The following SCGB1D2 variants were observed in gnomAD, a reference collection of about 807,000 sequenced individuals.
SCGB1D2 encodes the protein secretoglobin family 1D member 2.
In SCGB1D2, 10 loss-of-function variants were observed where a neutral mutation model predicts 10.5. The observed-to-expected ratio is 0.95, with a 90% CI of 0.59 to 1.61. The LOEUF (loss-of-function observed/expected upper bound fraction) is 1.61, where lower values mean the gene tolerates loss of function less well. SCGB1D2 is among the 40% of genes most tolerant of loss of function. The probability of loss-of-function intolerance (pLI) is 0.00; values close to 1 mark genes in which losing one functional copy is unlikely to be tolerated. For missense variants in SCGB1D2, 113 were observed against 103.8 expected (o/e 1.09, Z -0.38); for synonymous variants, 42 against 42.8 (o/e 0.98, Z 0.08).
chr11:62,242,663 C>T (rs764717620), intron 1 of SCGB1D2, among the ~76,000 whole-genome samples: 5 of 152,176 alleles, frequency 3.3e-5, no homozygotes, highest in South Asian at 2.1e-4. Context: ...ATCTGGGATC[C>T]GCCACTTCCC....
chr11:62,242,392 A>G, intron 1 of SCGB1D2, 30 bp downstream of exon 1: 1 of 1,611,852 alleles, frequency 6.2e-7, no homozygotes, highest in Non-Finnish European at 8.5e-7. Context: ...GTCTAGCTCC[A>G]GCCCCTGGGA....
intron 1 of SCGB1D2, 53 bp downstream of exon 1, chr11:62,242,415 C>G: frequency 6.3e-7 from 1 of 1,580,444 alleles, no homozygotes. Context: ...CACCCTCTTC[C>G]AAGCACGAGG....
At position 62,243,517 on chromosome 11, in the gene SCGB1D2, C is replaced by A. The variant is rs180756544; in HGVS notation, c.243+41C>A. The A allele has an allele frequency of 9.9e-4, 1,538 of 1,551,672 alleles. 3 individuals are homozygous for A. The highest frequency in any genetic ancestry group is 1.3e-3 in the Non-Finnish European group (1,458 of 1,134,254). On this transcript the variant is annotated intron_variant, in intron 2 of 2. Coordinates refer to ENST00000244926, the MANE Select transcript of SCGB1D2 (RefSeq NM_006551.4). The stretch of plus-strand genomic sequence containing the variant: ...TTTATTTGTTAAGGCTTCTGGTCAG[C>A]TGCACAGTATGAAGTGAGGTCAGCT...
chr11:62,243,266 A>G (rs543193327), intron 1 of SCGB1D2, 23 bp from the exon 2 acceptor site: 120 of 1,601,792 alleles, frequency 7.5e-5, no homozygotes, highest in Admixed American at 2.7e-4. Flanking sequence ...AACATCAACT[A>G]TATTTTTATT....
Position 62,242,364 on chromosome 11 carries a change from T to C in SCGB1D2, c.55+2T>C. On this transcript the variant is annotated splice_donor_variant, in intron 1 of 2. Coordinates refer to ENST00000244926, the MANE Select transcript of SCGB1D2 (RefSeq NM_006551.4). LOFTEE classifies it high-confidence loss of function. ...CGCTGGCCCTCTGCTGCTACCAGGG[T>C]GAGTACATCAGTCATGAGTCTAGCT... is the stretch of plus-strand genomic sequence containing the variant. 1 of 1,613,918 alleles carries C rather than the reference T, an allele frequency of 6.2e-7. No individual in the cohort carries two copies. Among genetic ancestry groups the C allele is most frequent in the Non-Finnish European group, 8.5e-7 (1 of 1,179,870 alleles).
chr11:62,244,721 G>T lies in SCGB1D2; in HGVS notation c.*22G>T, dbSNP rs762267771. ...GTGACATGTAAAAACTTTCATCCTGGTTTCCACTGTCTTTCAATGACACCC... is the reference window on the plus strand; with the variant it reads ...GTGACATGTAAAAACTTTCATCCTGTTTTCCACTGTCTTTCAATGACACCC... On this transcript the variant is annotated 3_prime_UTR_variant, in exon 3 of 3. Coordinates refer to ENST00000244926, the MANE Select transcript of SCGB1D2 (RefSeq NM_006551.4). 2.5e-6 allele frequency: 4 copies of T among 1,601,658 alleles called. No individual in the cohort carries two copies. The East Asian group carries it at 8.9e-5, about 36-fold the overall frequency.
chr11:62,243,332 C>G lies in SCGB1D2; in HGVS notation c.99C>G (p.Asp33Glu). 6.2e-7 allele frequency: 1 copy of G among 1,613,448 alleles called. No individual in the cohort carries two copies. Among genetic ancestry groups the G allele is most frequent in the Non-Finnish European group, 8.5e-7 (1 of 1,179,768 alleles). ...CAGCTCTTGTTTCTGAGCTGTTAGA[C>G]TTCTTCTTCATTAGTGAACCTCTGT... ...FCPALVSELL[D>E]FFFISEPLFK... is the part of the protein sequence containing the mutation. The change falls in exon 2 of 3, where the codon GAC (aspartate) becomes GAG (glutamate). Residue 33 changes from aspartate (D) to glutamate (E), a missense_variant. Asp to Glu is a conservative substitution (Grantham distance 45). Coordinates refer to ENST00000244926, the MANE Select transcript of SCGB1D2 (RefSeq NM_006551.4).
At position 62,244,672 on chromosome 11, in the gene SCGB1D2, G is replaced by C. The variant is rs770715437; in HGVS notation, c.246G>C (p.Val82=). Reference sequence around the variant, plus strand: ...TCTTTTTTCTTTTCCTATTTTAGGTGAAAATATTGAAGAAATGTAGTGTGT... The same window carrying C: ...TCTTTTTTCTTTTCCTATTTTAGGTCAAAATATTGAAGAAATGTAGTGTGT... ...QKRSLIAEVL[V]KILKKCSV Residue 82 remains valine, a splice_region_variant and synonymous_variant, in exon 3 of 3, where the codon GTG becomes GTC. Coordinates refer to ENST00000244926, the MANE Select transcript of SCGB1D2 (RefSeq NM_006551.4). 40 of 1,612,784 alleles carry C rather than the reference G, an allele frequency of 2.5e-5. No individual in the cohort carries two copies. The highest frequency in any genetic ancestry group is 3.2e-5 in the Non-Finnish European group (38 of 1,179,376).
In SCGB1D2 at chr11:62,243,376, A is replaced by G; in HGVS notation, c.143A>G (p.Lys48Arg). 6.2e-7 allele frequency: 1 copy of G among 1,614,028 alleles called. No individual in the cohort carries two copies. Among genetic ancestry groups the G allele is most frequent in the Non-Finnish European group, 8.5e-7 (1 of 1,179,914 alleles). The change falls in exon 2 of 3, where the codon AAA becomes AGA. Residue 48 changes from lysine to arginine, a missense_variant. Coordinates refer to ENST00000244926, the MANE Select transcript of SCGB1D2 (RefSeq NM_006551.4). The part of the protein sequence containing the change: ...SEPLFKLSLA[K>R]FDAPPEAVAA... ...CCTCTGTTCAAGTTAAGTCTTGCCAAATTTGATGCCCCTCCGGAAGCTGTT... is the reference window on the plus strand; with the variant it reads ...CCTCTGTTCAAGTTAAGTCTTGCCAGATTTGATGCCCCTCCGGAAGCTGTT...
At position 62,242,258 on chromosome 11, in the gene SCGB1D2, C is replaced by T. The variant is rs1945068401; in HGVS notation, c.-50C>T. The T allele has an allele frequency of 6.2e-7, 1 of 1,605,184 alleles. No homozygotes were observed. On this transcript the variant is annotated 5_prime_UTR_variant, in exon 1 of 3. Coordinates refer to ENST00000244926, the MANE Select transcript of SCGB1D2 (RefSeq NM_006551.4). ...CTCCACAGGCTCCTGGGGTGGAGTC[C>T]AAATCACTCATTGTTTGTGAAAGCT...
intron 2 of SCGB1D2, 65 bp downstream of exon 2, chr11:62,243,541 C>T: frequency 1.4e-6 from 2 of 1,391,056 alleles, no homozygotes; most frequent in African/African-American, 1.4e-5. Context: ...GTGAGGTCAG[C>T]TTGCTGCTCT....
Position 62,244,738 on chromosome 11 carries a change from A to G in SCGB1D2, c.*39A>G, listed in dbSNP as rs374005438. 4 of 1,551,166 alleles carry G rather than the reference A, an allele frequency of 2.6e-6. No individual in the cohort carries two copies. In the African/African-American group the frequency reaches 4.1e-5, roughly 16 times the overall value. On this transcript the variant is annotated 3_prime_UTR_variant, in exon 3 of 3. Transcript: ENST00000244926. Reference sequence around the variant, plus strand: ...TCATCCTGGTTTCCACTGTCTTTCAATGACACCCTGATCTTCACTGCAGAA... The same window carrying G: ...TCATCCTGGTTTCCACTGTCTTTCAGTGACACCCTGATCTTCACTGCAGAA...
chr11:62,244,253 C>A (rs968249391), intron 2 of SCGB1D2, among the ~76,000 whole-genome samples: 3 of 152,184 alleles, frequency 2.0e-5, no homozygotes, highest in African/African-American at 7.2e-5. Context: ...AGAATTCCCA[C>A]ATGGGGAGGC....
At chr11:62,243,011 G>A (rs1234766267) in intron 1 of SCGB1D2, among the ~76,000 whole-genome samples, 1 of 152,198 alleles carries the variant, frequency 6.6e-6, no homozygotes, top group African/African-American at 2.4e-5. Context: ...GATATCGCTT[G>A]AGCCCAGGAG....
At chr11:62,243,615 C>A (rs1278388074) in intron 2 of SCGB1D2, 139 bp downstream of exon 2, 4 of 690,066 alleles carry the variant, frequency 5.8e-6, no homozygotes, top group African/African-American at 1.8e-5. Flanking sequence ...TCACCTGGGG[C>A]CACAGGGTGG....
chr11:62,242,333 T>C lies in SCGB1D2; in HGVS notation c.26T>C (p.Leu9Pro), dbSNP rs752497174. The change falls in exon 1 of 3, where the codon CTG becomes CCG. Residue 9 changes from leucine (L) to proline (P), a missense_variant. By Grantham distance (98) the Leu-to-Pro change is moderately conservative (BLOSUM62 -3). Coordinates refer to ENST00000244926, the MANE Select transcript of SCGB1D2 (RefSeq NM_006551.4). MKLSVCLL[L>P]VTLALCCYQA... is the part of the protein sequence containing the mutation. ...ATGAAGCTGTCGGTGTGTCTCCTGC[T>C]GGTCACGCTGGCCCTCTGCTGCTAC... 12 of 1,614,120 alleles carry C rather than the reference T, an allele frequency of 7.4e-6. No homozygotes were observed. Among genetic ancestry groups the C allele is most frequent in the Non-Finnish European group, 1.0e-5 (12 of 1,179,978 alleles).
Position 62,243,292 on chromosome 11 carries a change from A to T in SCGB1D2, c.59A>T (p.Asn20Ile). 6.2e-7 allele frequency: 1 copy of T among 1,609,502 alleles called. No individual in the cohort carries two copies. The highest frequency in any genetic ancestry group is 1.1e-5 in the South Asian group (1 of 90,678). Residue 20 changes from asparagine to isoleucine, a missense_variant, in exon 2 of 3, where the codon AAT (asparagine) becomes ATT (isoleucine). Transcript: ENST00000244926. ...VTLALCCYQA[N>I]AEFCPALVSE... ...TATTTTTATTCTTTTGCTGCAGCCA[A>T]TGCCGAGTTCTGCCCAGCTCTTGTT...
chr11:62,244,638 A>G (rs1361852452), intron 2 of SCGB1D2, 32 bp from the exon 3 acceptor site: 1 of 1,607,542 alleles, frequency 6.2e-7, no homozygotes, highest in Non-Finnish European at 8.5e-7. Flanking sequence ...AGCATGACTG[A>G]CCCCACCTTC....
At chr11:62,242,430 C>A (rs1335095368) in intron 1 of SCGB1D2, 68 bp downstream of exon 1, 4 of 1,528,994 alleles carry the variant, frequency 2.6e-6, no homozygotes, top group African/African-American at 1.4e-5. Context: ...ACGAGGTCAC[C>A]TATTCAGGCT....
Sources: gnomAD v4.1 joint callset for allele counts (sites outside exome capture counted in the v4.1 genomes callset) on GRCh38, gnomAD v4.1.1 for gene constraint, MANE v1.5 for transcripts, NCBI Gene and HGNC (gene_info 2026-07-23, HGNC 2026-07-21) for gene names.